Variants in DPY19L2 observed in about 807,000 individuals in gnomAD.
DPY19L2 encodes dpy-19 like 2, also known as probable C-mannosyltransferase DPY19L2.
A neutral mutation model predicts 97.9 loss-of-function variants in DPY19L2; 34 were observed. The observed-to-expected ratio is 0.35, with a 90% CI of 0.26 to 0.46. DPY19L2 has a LOEUF of 0.46. Ranked by LOEUF, DPY19L2 falls within the 20% of genes least tolerant of loss-of-function variation. The pLI is 1.00. For synonymous variants in DPY19L2, 230 were observed against 307.9 expected, an observed-to-expected ratio of 0.75 and a Z score of 2.65; for missense variants, 623 against 911.4, an observed-to-expected ratio of 0.68 and a Z score of 4.07.
chr12:63,628,287 C>T (rs760345579), intron 6 of DPY19L2, among the ~76,000 whole-genome samples: 18 of 152,266 alleles, frequency 1.2e-4, no homozygotes, highest in Non-Finnish European at 2.1e-4. Context: ...ACCCAGGAAG[C>T]GCAAGGGGTC....
At chr12:63,561,320 A>C (rs1369571157) in intron 21 of DPY19L2, among the ~76,000 whole-genome samples, 1 of 152,144 alleles carries the variant, frequency 6.6e-6, no homozygotes, top group African/African-American at 2.4e-5. Flanking sequence ...TTTATGTGTA[A>C]AGTTTGCCAG....
intron 9 of DPY19L2, among the ~76,000 whole-genome samples, chr12:63,618,794 T>C (rs1232936403): frequency 6.6e-6 from 1 of 152,136 alleles, no homozygotes; most frequent in African/African-American, 2.4e-5. Context: ...CTCCAATTTT[T>C]CATGTATGAT....
chr12:63,592,419 T>C (rs1565729721), intron 16 of DPY19L2, among the ~76,000 whole-genome samples: 1 of 149,114 alleles, frequency 6.7e-6, no homozygotes, highest in Non-Finnish European at 1.5e-5. Flanking sequence ...CAAAACAGCA[T>C]GGTACTGGTA....
intron 4 of DPY19L2, chr12:63,651,996 C>A: frequency 4.0e-6 from 1 of 251,110 alleles, no homozygotes; most frequent in Non-Finnish European, 7.9e-6. Flanking sequence ...GCCTTTCTGT[C>A]ATCATCTCCT....
intron 13 of DPY19L2, among the ~76,000 whole-genome samples, chr12:63,600,053 C>T (rs527913036): frequency 1.2e-4 from 18 of 152,074 alleles, no homozygotes; most frequent in Non-Finnish European, 2.6e-4. Flanking sequence ...AAACAAATAA[C>T]TACTTAACAA....
In DPY19L2 at chr12:63,668,223, C is replaced by G; in HGVS notation, c.171G>C (p.Gly57=). The G allele has an allele frequency of 6.2e-7, 1 of 1,613,906 alleles. No homozygotes were observed. The highest frequency in any genetic ancestry group is 8.5e-7 in the Non-Finnish European group (1 of 1,179,920). Reference sequence around the variant, plus strand: ...TTCGCTCTTTCAGACTTTGGATCCTCCCCGGGGAGGACCTCCAGGAGCCCC... The same window carrying G: ...TTCGCTCTTTCAGACTTTGGATCCTGCCCGGGGAGGACCTCCAGGAGCCCC... ...LPRGSWRSSP[G]RIQSLKERKG... Residue 57 remains glycine, a synonymous_variant, in exon 1 of 22, where the codon GGG becomes GGC. Coordinates refer to ENST00000324472, the MANE Select transcript of DPY19L2 (RefSeq NM_173812.5).
chr12:63,580,936 C>T, intron 18 of DPY19L2, 100 bp from the exon 19 acceptor site: 1 of 1,210,764 alleles, frequency 8.3e-7, no homozygotes, highest in Non-Finnish European at 1.1e-6. Flanking sequence ...TGTGAATTAC[C>T]CTTTGATATC....
In DPY19L2 at chr12:63,661,438, G is replaced by A. The variant is rs371693431; in HGVS notation, c.494C>T (p.Ser165Leu). 31 of 1,599,962 alleles carry A rather than the reference G, an allele frequency of 1.9e-5. No individual in the cohort carries two copies. Among genetic ancestry groups the A allele is most frequent in the Admixed American group, 1.6e-4 (9 of 56,540 alleles). ...SYFKTIIEAP[S>L]FLEGLWMIMN... is the part of the protein sequence containing the mutation. ...AATCATCCACAGTCCTTCCAAAAACGAAGGTGCTTCAATAATGGTCTTGAA... is the reference window on the plus strand; with the variant it reads ...AATCATCCACAGTCCTTCCAAAAACAAAGGTGCTTCAATAATGGTCTTGAA... The change falls in exon 4 of 22, where the codon TCG becomes TTG. Residue 165 changes from serine to leucine, a missense_variant. By Grantham distance (145) the Ser-to-Leu change is moderately radical. Transcript: ENST00000324472.
intron 12 of DPY19L2, among the ~76,000 whole-genome samples, chr12:63,604,527 C>G (rs1016055724): frequency 1.3e-5 from 2 of 152,150 alleles, no homozygotes. Context: ...AAGGCTCTGT[C>G]CTTTTTCCTG....
intron 11 of DPY19L2, among the ~76,000 whole-genome samples, chr12:63,610,962 A>C (rs1182282964): frequency 6.6e-6 from 1 of 151,616 alleles, no homozygotes; most frequent in Non-Finnish European, 1.5e-5. Context: ...AATGTCCAAC[A>C]GGTATTTAAA....
At chr12:63,624,220 A>C in intron 7 of DPY19L2, 89 bp from the exon 8 acceptor site, 1 of 931,246 alleles carries the variant, frequency 1.1e-6, no homozygotes, top group Non-Finnish European at 1.7e-6. Context: ...AGTAATTTTA[A>C]TACTAGGCTC....
chr12:63,574,263 AAAT>A (rs1879416574), intron 19 of DPY19L2, among the ~76,000 whole-genome samples: 1 of 152,022 alleles, frequency 6.6e-6, no homozygotes, highest in South Asian at 2.1e-4. Context: ...AAAATATTGC[AAAT>A]AATAAGATAT....
At chr12:63,571,743 A>G (rs1262779411) in intron 19 of DPY19L2, among the ~76,000 whole-genome samples, 1 of 152,202 alleles carries the variant, frequency 6.6e-6, no homozygotes, top group Admixed American at 6.5e-5. Flanking sequence ...AATAACATGT[A>G]TAAATTTGGT....
chr12:63,650,498 CAA>C (rs1428253823), intron 4 of DPY19L2, among the ~76,000 whole-genome samples: 1 of 151,948 alleles, frequency 6.6e-6, no homozygotes, highest in East Asian at 1.9e-4. Flanking sequence ...ATCAATGTAC[CAA>C]AGTCAGTAGT....
At chr12:63,606,126 A>G (rs1275298257) in intron 12 of DPY19L2, among the ~76,000 whole-genome samples, 1 of 151,760 alleles carries the variant, frequency 6.6e-6, no homozygotes, top group African/African-American at 2.4e-5. Flanking sequence ...TTTTAATATT[A>G]AACTTATATC....
At chr12:63,634,328 G>A (rs1360944662) in intron 6 of DPY19L2, among the ~76,000 whole-genome samples, 3 of 151,954 alleles carry the variant, frequency 2.0e-5, no homozygotes, top group African/African-American at 4.8e-5. Context: ...GATGGAGAGA[G>A]GTTCCAAGAT....
At chr12:63,616,351 T>A (rs1373380679) in intron 11 of DPY19L2, among the ~76,000 whole-genome samples, 2 of 152,082 alleles carry the variant, frequency 1.3e-5, no homozygotes, top group Admixed American at 1.3e-4. Flanking sequence ...TTTGACAAAA[T>A]GTTGGAAAGA....
intron 4 of DPY19L2, among the ~76,000 whole-genome samples, chr12:63,658,349 G>T (rs2138272305): frequency 6.6e-6 from 1 of 152,134 alleles, no homozygotes; most frequent in South Asian, 2.1e-4. Context: ...ATAAAAATTA[G>T]CCAGGCGTGG....
At chr12:63,655,237 T>C (rs935878985) in intron 4 of DPY19L2, among the ~76,000 whole-genome samples, 2 of 152,040 alleles carry the variant, frequency 1.3e-5, no homozygotes, top group African/African-American at 2.4e-5. Flanking sequence ...CATTAGCCAA[T>C]AGGGAAATGC....
Sources: gnomAD v4.1 joint callset for allele counts (sites outside exome capture counted in the v4.1 genomes callset) on GRCh38, gnomAD v4.1.1 for gene constraint, MANE v1.5 for transcripts, NCBI Gene and HGNC (gene_info 2026-07-23, HGNC 2026-07-21) for gene names.